N4BP2: variants seen among roughly 807,000 people sequenced by gnomAD.
N4BP2 encodes the protein NEDD4-binding protein 2.
In N4BP2, 91 loss-of-function variants were observed where a neutral mutation model predicts 152.8. That is an observed-to-expected ratio of 0.60 (90% CI 0.50 to 0.71). N4BP2 has a LOEUF of 0.71. Among genes scored for constraint, N4BP2 ranks in the 30% least tolerant of loss-of-function variants. The pLI is 0.00. For synonymous variants in N4BP2, 646 were observed against 705.3 expected (o/e 0.92, Z 1.33); for missense variants, 1,923 against 2,059.1 (o/e 0.93, Z 1.28).
intron 12 of N4BP2, among the ~76,000 whole-genome samples, chr4:40,131,016 G>A (rs1473275583): frequency 6.6e-6 from 1 of 151,620 alleles, no homozygotes; most frequent in South Asian, 2.1e-4. Context: ...TTATTTTGGA[G>A]TAAATATATT....
At chr4:40,148,336 A>T (rs899818557) in intron 16 of N4BP2, among the ~76,000 whole-genome samples, 1 of 152,208 alleles carries the variant, frequency 6.6e-6, no homozygotes, top group East Asian at 1.9e-4. Context: ...CTGCAATCGC[A>T]GGCACTGGGC....
At chr4:40,123,526 G>A (rs1330174382) in intron 10 of N4BP2, among the ~76,000 whole-genome samples, 1 of 151,838 alleles carries the variant, frequency 6.6e-6, no homozygotes, top group Non-Finnish European at 1.5e-5. Flanking sequence ...TAGCTCTGTT[G>A]CCCTGGTTGA....
At chr4:40,169,121 G>C in the N4BP2 span, among the ~76,000 whole-genome samples, 1 of 151,582 alleles carries the variant, frequency 6.6e-6, no homozygotes, top group Non-Finnish European at 1.5e-5. Flanking sequence ...GGTGGTTCTC[G>C]CCTGTAATCC....
At chr4:40,126,464 A>AAAAAT (rs1222606095) in intron 12 of N4BP2, 134 bp downstream of exon 12, 1 of 502,062 alleles carries the variant, frequency 2.0e-6, no homozygotes. Flanking sequence ...GTTAAAATTG[A>AAAAAT]AAAATATTTT....
intron 12 of N4BP2, among the ~76,000 whole-genome samples, chr4:40,130,987 T>A (rs1036175726): frequency 2.0e-5 from 3 of 152,174 alleles, no homozygotes; most frequent in African/African-American, 7.2e-5. Flanking sequence ...ATGTGAGTAA[T>A]AATATAATTC....
At chr4:40,176,837 T>C in the N4BP2 span, among the ~76,000 whole-genome samples, 1 of 152,224 alleles carries the variant, frequency 6.6e-6, no homozygotes, top group Non-Finnish European at 1.5e-5. Context: ...GCCCCTCCTC[T>C]TCCTGGGTAG....
At chr4:40,064,160 T>C (rs1257763748) in intron 1 of N4BP2, among the ~76,000 whole-genome samples, 1 of 152,216 alleles carries the variant, frequency 6.6e-6, no homozygotes. Flanking sequence ...ACTTTATTTG[T>C]GGTAAAGAGA....
the N4BP2 span, among the ~76,000 whole-genome samples, chr4:40,163,740 C>G: frequency 1.3e-5 from 2 of 152,360 alleles, no homozygotes; most frequent in African/African-American, 4.8e-5. Flanking sequence ...CCTGAATTAA[C>G]TAACCCTGGA....
At chr4:40,182,942 G>T in the N4BP2 span, among the ~76,000 whole-genome samples, 1 of 152,190 alleles carries the variant, frequency 6.6e-6, no homozygotes, top group Non-Finnish European at 1.5e-5. Flanking sequence ...CTCCCAATGT[G>T]CTGGGATTAC....
At chr4:40,108,008 C>G (rs181880044) in intron 5 of N4BP2, among the ~76,000 whole-genome samples, 253 of 151,814 alleles carry the variant, frequency 1.7e-3, no homozygotes, top group African/African-American at 5.7e-3. Flanking sequence ...ACTGCAACCT[C>G]CGCCTCCCAC....
Position 40,123,221 on chromosome 4 carries a change from G to T in N4BP2, c.4284+9G>T. ...GGAAAGAATCTGTAATGGTTGGTAGGCTTCTTTTTATAAAGAGCTCCTTTT... is the reference window on the plus strand; with the variant it reads ...GGAAAGAATCTGTAATGGTTGGTAGTCTTCTTTTTATAAAGAGCTCCTTTT... On this transcript the variant is annotated intron_variant, in intron 10 of 17. Transcript: ENST00000261435. 6.3e-7 allele frequency: 1 copy of T among 1,587,924 alleles called. No individual in the cohort carries two copies. The highest frequency in any genetic ancestry group is 1.1e-5 in the South Asian group (1 of 89,150).
At chr4:40,133,890 T>C (rs1397802114) in intron 13 of N4BP2, among the ~76,000 whole-genome samples, 1 of 152,102 alleles carries the variant, frequency 6.6e-6, no homozygotes, top group Non-Finnish European at 1.5e-5. Context: ...ATTGCAGCCT[T>C]GACCTCCTAA....
chr4:40,068,836 A>G (rs541162069), intron 1 of N4BP2, among the ~76,000 whole-genome samples: 2 of 152,282 alleles, frequency 1.3e-5, no homozygotes, highest in East Asian at 3.9e-4. Context: ...AAAAATTCCC[A>G]GGCTGGGCAC....
chr4:40,168,119 T>C, the N4BP2 span, among the ~76,000 whole-genome samples: 5 of 151,868 alleles, frequency 3.3e-5, no homozygotes, highest in Non-Finnish European at 5.9e-5. Flanking sequence ...AACAAAGGAA[T>C]AAATTGTAAC....
chr4:40,145,955 A>C (rs1461935445), intron 16 of N4BP2, among the ~76,000 whole-genome samples: 1 of 152,084 alleles, frequency 6.6e-6, no homozygotes. Flanking sequence ...TGAGGTCTGG[A>C]GTTCGAGACC....
rs1202393790 is a variant in N4BP2 at position 40,154,875 on chromosome 4, G to A, written c.*638G>A. On this transcript the variant is annotated 3_prime_UTR_variant, in exon 18 of 18. Coordinates refer to ENST00000261435, the MANE Select transcript of N4BP2 (RefSeq NM_018177.6). ...ATTTTATGGAAAGAAAGTTGGGTCT[G>A]AGATTATATTGTAATTTTATACTTT... 1.3e-5 allele frequency: 2 copies of A among 152,186 alleles called. No individual in the cohort carries two copies. Among genetic ancestry groups the A allele is most frequent in the African/African-American group, 4.8e-5 (2 of 41,448 alleles). 9.4% of individuals were successfully genotyped at this position (152,186 alleles called of 1,614,324 possible). A position where few individuals can be genotyped will look rare whatever the true frequency, so the allele number is the denominator to read the frequency against.
chr4:40,134,623 G>A (rs1719190139), intron 13 of N4BP2, among the ~76,000 whole-genome samples: 1 of 152,122 alleles, frequency 6.6e-6, no homozygotes, highest in African/African-American at 2.4e-5. Context: ...CAGCAGGTGA[G>A]TGATTTTAAG....
chr4:40,083,371 A>G (rs1713599290), intron 2 of N4BP2, among the ~76,000 whole-genome samples: 1 of 152,208 alleles, frequency 6.6e-6, no homozygotes, highest in African/African-American at 2.4e-5. Flanking sequence ...GTCCACAGCA[A>G]ACTCTTATAC....
chr4:40,159,082 G>A (rs1721786525), downstream of N4BP2, among the ~76,000 whole-genome samples: 1 of 152,192 alleles, frequency 6.6e-6, no homozygotes, highest in Non-Finnish European at 1.5e-5. Flanking sequence ...CCAATTTAAT[G>A]AATAAAGCCA....
Sources: gnomAD v4.1 joint callset for allele counts (sites outside exome capture counted in the v4.1 genomes callset) on GRCh38, gnomAD v4.1.1 for gene constraint, MANE v1.5 for transcripts, NCBI Gene and HGNC (gene_info 2026-07-23, HGNC 2026-07-21) for gene names.